TNFRSF8: variants seen among roughly 807,000 people sequenced by gnomAD.
TNFRSF8 encodes the protein TNF receptor superfamily member 8.
TNFRSF8 carries 26 observed loss-of-function variants against 70.8 expected under a neutral mutation model. The observed-to-expected ratio is 0.37, with a 90% CI of 0.27 to 0.51. The LOEUF (loss-of-function observed/expected upper bound fraction) is 0.51, where lower values mean the gene tolerates loss of function less well. Ranked by LOEUF, TNFRSF8 falls within the 20% of genes least tolerant of loss-of-function variation. TNFRSF8 has a pLI of 0.94. For missense variants in TNFRSF8, 720 were observed against 807.9 expected, an observed-to-expected ratio of 0.89 and a Z score of 1.32; for synonymous variants, 356 against 339.2, an observed-to-expected ratio of 1.05 and a Z score of -0.54.
chr1:12,126,378 T>A, intron 12 of TNFRSF8, 142 bp downstream of exon 12: 1 of 915,376 alleles, frequency 1.1e-6, no homozygotes, highest in African/African-American at 1.6e-5. Context: ...ATTCTGTACA[T>A]CTGTAGGGAT....
chr1:12,089,295 T>C (rs1641206701), intron 2 of TNFRSF8, among the ~76,000 whole-genome samples: 1 of 152,090 alleles, frequency 6.6e-6, no homozygotes, highest in African/African-American at 2.4e-5. Flanking sequence ...TGGCACATAG[T>C]AGAGTCTCAA....
intron 2 of TNFRSF8, among the ~76,000 whole-genome samples, chr1:12,091,968 T>C (rs994164627): frequency 6.6e-6 from 1 of 152,114 alleles, no homozygotes; most frequent in African/African-American, 2.4e-5. Context: ...GAGGTGGGGC[T>C]CAGGAGGTAA....
At chr1:12,133,250 C>T (rs963546488) in intron 12 of TNFRSF8, among the ~76,000 whole-genome samples, 16 of 152,012 alleles carry the variant, frequency 1.1e-4, no homozygotes, top group Middle Eastern at 3.4e-3. Flanking sequence ...GGCAGCTCTG[C>T]GATCCCGTTC....
chr1:12,120,463 A>G (rs1282374881), intron 8 of TNFRSF8, among the ~76,000 whole-genome samples: 5 of 152,230 alleles, frequency 3.3e-5, no homozygotes, highest in Non-Finnish European at 7.4e-5. Context: ...AAGAAAGGCA[A>G]TTGAAAACTC....
At chr1:12,137,891 C>G (rs2101047482) in intron 13 of TNFRSF8, among the ~76,000 whole-genome samples, 1 of 152,238 alleles carries the variant, frequency 6.6e-6, no homozygotes, top group South Asian at 2.1e-4. Flanking sequence ...CTCCTCTGTG[C>G]CTCAGTTTCC....
At chr1:12,102,349 T>C (rs147108952) in intron 3 of TNFRSF8, among the ~76,000 whole-genome samples, 13 of 152,278 alleles carry the variant, frequency 8.5e-5, no homozygotes, top group African/African-American at 2.6e-4. Context: ...TTCCCCCTTC[T>C]TCAGAGAGTC....
intron 2 of TNFRSF8, among the ~76,000 whole-genome samples, chr1:12,091,408 G>A (rs897331325): frequency 6.6e-6 from 1 of 152,174 alleles, no homozygotes; most frequent in Non-Finnish European, 1.5e-5. Context: ...GGGTGAGGGA[G>A]CTGGGGTATT....
intron 3 of TNFRSF8, among the ~76,000 whole-genome samples, chr1:12,103,055 C>T (rs1641451555): frequency 6.6e-6 from 1 of 151,930 alleles, no homozygotes; most frequent in Non-Finnish European, 1.5e-5. Context: ...GTCCTTTGTC[C>T]ATTAAAAAAA....
At chr1:12,085,865 C>T (rs1177636952) in intron 2 of TNFRSF8, among the ~76,000 whole-genome samples, 3 of 152,140 alleles carry the variant, frequency 2.0e-5, no homozygotes, top group South Asian at 2.1e-4. Context: ...CTTAGATGGG[C>T]GGGGCAGGAC....
chr1:12,134,082 C>A (rs574972532), intron 12 of TNFRSF8, among the ~76,000 whole-genome samples: 1 of 152,158 alleles, frequency 6.6e-6, no homozygotes, highest in African/African-American at 2.4e-5. Flanking sequence ...CCCAAACTCA[C>A]CTAGTGTCCA....
chr1:12,067,918 G>C (rs1223785526), intron 1 of TNFRSF8, among the ~76,000 whole-genome samples: 1 of 149,546 alleles, frequency 6.7e-6, no homozygotes, highest in Non-Finnish European at 1.5e-5. Flanking sequence ...GGGGGACCTG[G>C]AGAGGAGGGG....
chr1:12,073,745 C>T (rs1030156928), intron 1 of TNFRSF8, among the ~76,000 whole-genome samples: 2 of 151,940 alleles, frequency 1.3e-5, no homozygotes, highest in African/African-American at 2.4e-5. Flanking sequence ...AGGCGCCCAC[C>T]ACCACGCCTG....
rs894690464 is a variant in TNFRSF8, at chr1:12,109,134, G to C, written c.422-432G>C. Among the ~76,000 whole-genome samples, 5 of 152,216 alleles carry C rather than the reference G, an allele frequency of 3.3e-5. No individual in the cohort carries two copies. Among genetic ancestry groups the C allele is most frequent in the African/African-American group, 1.2e-4 (5 of 41,452 alleles). On this transcript the variant is annotated intron_variant, in intron 4 of 14. Coordinates refer to ENST00000263932, the MANE Select transcript of TNFRSF8 (RefSeq NM_001243.5). This position sits in a 1 kb window ranked among gnomAD's most constrained non-coding sequence, Gnocchi z 4.4. ...TTACAAGCAGCTCTGCCCAGCGCCAGTGGGAAGACAGCTTCCCTTTCTTAC... is the reference window on the plus strand; with the variant it reads ...TTACAAGCAGCTCTGCCCAGCGCCACTGGGAAGACAGCTTCCCTTTCTTAC...
At chr1:12,086,780 G>A (rs918228441) in intron 2 of TNFRSF8, among the ~76,000 whole-genome samples, 2 of 151,796 alleles carry the variant, frequency 1.3e-5, no homozygotes, top group Admixed American at 6.6e-5. Flanking sequence ...TGGGAAGATC[G>A]ATCTCTCTCT....
At chr1:12,089,737 A>G (rs1435951846) in intron 2 of TNFRSF8, among the ~76,000 whole-genome samples, 1 of 152,144 alleles carries the variant, frequency 6.6e-6, no homozygotes, top group Non-Finnish European at 1.5e-5. Context: ...GTGCTAAGAT[A>G]GTTTCAAAGG....
At chr1:12,087,621 C>A (rs1025392956) in intron 2 of TNFRSF8, among the ~76,000 whole-genome samples, 1 of 152,314 alleles carries the variant, frequency 6.6e-6, no homozygotes, top group Middle Eastern at 3.4e-3. Context: ...TCAGGGCCCG[C>A]TTGCTGTGGT....
At chr1:12,064,422 C>T (rs971703732) in intron 1 of TNFRSF8, among the ~76,000 whole-genome samples, 1 of 152,148 alleles carries the variant, frequency 6.6e-6, no homozygotes, top group African/African-American at 2.4e-5. Flanking sequence ...TTTCACGGAG[C>T]CCAGGGGCTG....
At chr1:12,070,606 G>A (rs1272062729) in intron 1 of TNFRSF8, among the ~76,000 whole-genome samples, 3 of 152,114 alleles carry the variant, frequency 2.0e-5, no homozygotes, top group Non-Finnish European at 4.4e-5. Context: ...TTACAGGCAT[G>A]AGCCACTGTG....
At position 12,068,295 on chromosome 1, in the gene TNFRSF8, C is replaced by T. The variant is rs376114972; in HGVS notation, c.63+4634C>T. Reference sequence around the variant, plus strand: ...CCCAGCCTGGGCCAGCTTGTCCAGCCGGTGCACTGACCCTGGGTGTGGCCC... The same window carrying T: ...CCCAGCCTGGGCCAGCTTGTCCAGCTGGTGCACTGACCCTGGGTGTGGCCC... On this transcript the variant is annotated intron_variant, in intron 1 of 14. Transcript: ENST00000263932. 5.9e-5 allele frequency among the ~76,000 whole-genome samples: 9 copies of T among 152,262 alleles called. No individual in the cohort carries two copies. The East Asian group carries it at 1.5e-3, about 26-fold the overall frequency.
Sources: allele counts gnomAD v4.1 joint callset (sites outside exome capture counted in the v4.1 genomes callset), GRCh38; gene constraint gnomAD v4.1.1; non-coding constraint Gnocchi (gnomAD v3.1); transcripts MANE v1.5; gene names NCBI Gene and HGNC (gene_info 2026-07-23, HGNC 2026-07-21).